STOX2: variants seen among roughly 807,000 people sequenced by gnomAD.
STOX2 encodes the protein storkhead box 2, also known as storkhead-box protein 2.
In STOX2, 28 loss-of-function variants were observed where a neutral mutation model predicts 60.9. The ratio of observed to expected loss-of-function variants is 0.46; its 90% CI spans 0.34 to 0.63. The LOEUF (loss-of-function observed/expected upper bound fraction) is 0.63, where lower values mean the gene tolerates loss of function less well. Ranked by LOEUF, STOX2 falls within the 30% of genes least tolerant of loss-of-function variation. The pLI, the probability that STOX2 is intolerant of heterozygous loss-of-function variation, is 0.01. For synonymous variants in STOX2, 472 were observed against 463.9 expected (o/e 1.02, Z -0.22); for missense variants, 1,024 against 1,187.7 (o/e 0.86, Z 2.03).
intron 1 of STOX2, among the ~76,000 whole-genome samples, chr4:183,933,875 T>G (rs1742511438): frequency 6.6e-6 from 1 of 152,050 alleles, no homozygotes; most frequent in South Asian, 2.1e-4. Flanking sequence ...AGCTATCATG[T>G]GATGAAAAAA....
chr4:183,867,803 C>T (rs2111160385), intron 1 of STOX2, among the ~76,000 whole-genome samples: 1 of 152,332 alleles, frequency 6.6e-6, no homozygotes, highest in East Asian at 1.9e-4. Context: ...TGAGTAGCTT[C>T]TCCTGAAAGG....
chr4:183,966,827 C>T (rs951370004), intron 1 of STOX2, among the ~76,000 whole-genome samples: 5 of 152,120 alleles, frequency 3.3e-5, no homozygotes, highest in Non-Finnish European at 2.9e-5. Flanking sequence ...TCAAATTTTG[C>T]TTTTTTCTTT....
intron 1 of STOX2, chr4:183,987,542 C>A (rs1732899702): frequency 2.6e-5 from 4 of 152,174 alleles, no homozygotes; most frequent in Non-Finnish European, 1.5e-5. Context: ...CCCCCCAAAT[C>A]CCATGAATCC....
intron 1 of STOX2, among the ~76,000 whole-genome samples, chr4:183,885,670 G>A (rs184512442): frequency 1.8e-4 from 27 of 152,316 alleles, no homozygotes; most frequent in African/African-American, 5.8e-4. Context: ...TCCCTTCACC[G>A]ATAGTCCATT....
chr4:183,869,293 C>A (rs1393566826), intron 1 of STOX2, among the ~76,000 whole-genome samples: 1 of 152,154 alleles, frequency 6.6e-6, no homozygotes, highest in Non-Finnish European at 1.5e-5. Context: ...TTCGATGGGC[C>A]TAGAAACTGA....
chr4:183,830,584 G>C (rs532163876), intron 1 of STOX2, among the ~76,000 whole-genome samples: 2 of 152,168 alleles, frequency 1.3e-5, no homozygotes, highest in Non-Finnish European at 2.9e-5. Flanking sequence ...GCCCAGGGCT[G>C]GTCTGGCCTG....
chr4:183,866,665 G>A (rs1039024045), intron 1 of STOX2, among the ~76,000 whole-genome samples: 1 of 152,170 alleles, frequency 6.6e-6, no homozygotes, highest in African/African-American at 2.4e-5. Flanking sequence ...TTATCTTAAA[G>A]TTTCAGAGCC....
chr4:183,869,456 T>C (rs1740641484), intron 1 of STOX2, among the ~76,000 whole-genome samples: 1 of 152,206 alleles, frequency 6.6e-6, no homozygotes, highest in Admixed American at 6.5e-5. Context: ...TTCAACTTGC[T>C]AAGTCATATT....
intron 1 of STOX2, among the ~76,000 whole-genome samples, chr4:183,894,915 C>T (rs893182260): frequency 1.3e-5 from 2 of 152,078 alleles, no homozygotes; most frequent in African/African-American, 4.8e-5. Flanking sequence ...ATTTTGCATT[C>T]GTGTATATTC....
chr4:183,954,858 C>G (rs375646353), intron 1 of STOX2, among the ~76,000 whole-genome samples: 1 of 152,116 alleles, frequency 6.6e-6, no homozygotes, highest in South Asian at 2.1e-4. Context: ...CCTGCCTCAG[C>G]CTCCCAAGTA....
intron 1 of STOX2, among the ~76,000 whole-genome samples, chr4:183,918,048 C>A (rs1741981409): frequency 6.6e-6 from 1 of 152,198 alleles, no homozygotes; most frequent in Non-Finnish European, 1.5e-5. Context: ...TCTTTTGGAA[C>A]AGAACTATAC....
intron 1 of STOX2, among the ~76,000 whole-genome samples, chr4:183,864,459 T>G (rs1326896947): frequency 6.6e-6 from 1 of 152,198 alleles, no homozygotes; most frequent in African/African-American, 2.4e-5. Flanking sequence ...AGTGGTGCAC[T>G]CTCAGCTCAC....
At chr4:183,897,401 G>T (rs540265863) in intron 1 of STOX2, among the ~76,000 whole-genome samples, 1 of 152,218 alleles carries the variant, frequency 6.6e-6, no homozygotes, top group African/African-American at 2.4e-5. Context: ...AAGTCTTGTG[G>T]GTATAACCTT....
intron 1 of STOX2, among the ~76,000 whole-genome samples, chr4:183,986,663 T>C (rs1387260235): frequency 2.0e-5 from 3 of 152,156 alleles, no homozygotes; most frequent in Non-Finnish European, 4.4e-5. Context: ...AGCTATCGGA[T>C]GGGTGATGGC....
chr4:183,972,685 A>G (rs1035921918), intron 1 of STOX2, among the ~76,000 whole-genome samples: 14 of 152,234 alleles, frequency 9.2e-5, no homozygotes, highest in African/African-American at 3.4e-4. Context: ...AAAAAATTCA[A>G]CATTGTCCTT....
chr4:184,009,865 C>T lies in STOX2; in HGVS notation c.1027C>T (p.Gln343Ter). ...LMKKLEEEKA[Q>*]RSKAGSSAHH... ...GAAGAAACTGGAAGAAGAAAAGGCC[C>T]AGAGGAGTAAAGCCGGGTCCTCTGC... The change falls in exon 3 of 4, where the codon CAG becomes TAG. Residue 343 changes from glutamine (Q) to a stop codon, truncating the protein, a stop_gained. Coordinates refer to ENST00000308497, the MANE Select transcript of STOX2 (RefSeq NM_020225.3). LOFTEE classifies it high-confidence loss of function. The surrounding 1 kb of genome is among the most constrained non-coding windows in gnomAD (Gnocchi z 4.0). The T allele has an allele frequency of 6.2e-7, 1 of 1,611,788 alleles. No homozygotes were observed. Among genetic ancestry groups the T allele is most frequent in the Non-Finnish European group, 8.5e-7 (1 of 1,178,904 alleles).
At chr4:183,899,828 A>G (rs1348637070) in intron 1 of STOX2, among the ~76,000 whole-genome samples, 1 of 152,216 alleles carries the variant, frequency 6.6e-6, no homozygotes, top group Non-Finnish European at 1.5e-5. Flanking sequence ...TTCAATGTAG[A>G]CAGAACAGTC....
In STOX2 at chr4:183,825,007, A is replaced by G. The variant is rs1739388904; in HGVS notation, c.364+26952A>G. ...TGGCCTGCACAATTGGAATGTCCCC[A>G]TGTCCCCTATCTCCTCACACAATCT... On this transcript the variant is annotated intron_variant, in intron 1 of 2. Coordinates refer to the STOX2 transcript ENST00000513034. The surrounding 1 kb of genome is among the most constrained non-coding windows in gnomAD (Gnocchi z 4.1). 6.6e-6 allele frequency among the ~76,000 whole-genome samples: 1 copy of G among 152,222 alleles called. No individual in the cohort carries two copies. The highest frequency in any genetic ancestry group is 1.5e-5 in the Non-Finnish European group (1 of 68,028).
intron 1 of STOX2, among the ~76,000 whole-genome samples, chr4:183,841,911 A>G (rs937616774): frequency 2.0e-5 from 3 of 151,318 alleles, no homozygotes; most frequent in East Asian, 2.0e-4. Flanking sequence ...TTTATATGGG[A>G]AAAAAAAACT....
Sources: gnomAD v4.1 joint callset for allele counts (sites outside exome capture counted in the v4.1 genomes callset) on GRCh38, gnomAD v4.1.1 for gene constraint, Gnocchi (gnomAD v3.1) non-coding constraint, MANE v1.5 for transcripts, NCBI Gene and HGNC (gene_info 2026-07-23, HGNC 2026-07-21) for gene names.